RPL3L: variants seen among roughly 807,000 people sequenced by gnomAD.
RPL3L encodes the protein ribosomal protein L3 like, also known as ribosomal protein uL3-like.
A neutral mutation model predicts 44.5 loss-of-function variants in RPL3L; 44 were observed. That is an observed-to-expected ratio of 0.99 (90% CI 0.78 to 1.27). The LOEUF (loss-of-function observed/expected upper bound fraction) is 1.27. Among genes scored for constraint, RPL3L ranks in the 50% most tolerant of loss-of-function variants. The pLI is 0.00. For missense variants in RPL3L, 631 were observed against 569.1 expected (o/e 1.11, Z -1.11); for synonymous variants, 292 against 230.7 (o/e 1.27, Z -2.41).
At chr16:1,951,081 A>G in intron 3 of RPL3L, 102 bp from the exon 4 acceptor site, 1 of 1,459,602 alleles carries the variant, frequency 6.9e-7, no homozygotes, top group Non-Finnish European at 9.1e-7. Flanking sequence ...CAGGGGTCCT[A>G]CCTCTGGGAC....
At chr16:1,949,623 A>C (rs1207929880) in intron 4 of RPL3L, among the ~76,000 whole-genome samples, 1 of 142,792 alleles carries the variant, frequency 7.0e-6, no homozygotes. Context: ...TGCAATGTAG[A>C]GGTGGAGACA....
At chr16:1,951,747 T>A (rs1340616186) in intron 3 of RPL3L, among the ~76,000 whole-genome samples, 3 of 147,462 alleles carry the variant, frequency 2.0e-5, no homozygotes, top group African/African-American at 7.4e-5. Flanking sequence ...TTATTATTAT[T>A]ATTATTATTA....
In RPL3L at chr16:1,950,897, A is replaced by C; in HGVS notation, c.448T>G (p.Phe150Val). The change falls in exon 4 of 10, where the codon TTC (phenylalanine) becomes GTC (valine). Residue 150 changes from phenylalanine to valine, a missense_variant. By Grantham distance (50) the Phe-to-Val change is conservative. Coordinates refer to ENST00000268661, the MANE Select transcript of RPL3L (RefSeq NM_005061.3). ...TDGKKQLQKD[F>V]AAMKKYCKVI... ...TTGCAGTACTTCTTCATGGCGGCGA[A>C]GTCCTTCTGTAGCTGCTTTTTCCCG... 6.2e-7 allele frequency: 1 copy of C among 1,614,076 alleles called. No homozygotes were observed. Among genetic ancestry groups the C allele is most frequent in the Non-Finnish European group, 8.5e-7 (1 of 1,179,980 alleles).
intron 4 of RPL3L, among the ~76,000 whole-genome samples, chr16:1,949,238 ATTTTTGTTTTTTTTTTTTTTCTTTTT>A (rs1400762206): frequency 1.2e-5 from 1 of 80,086 alleles, no homozygotes; most frequent in African/African-American, 4.9e-5. Context: ...ACTGGGCCTG[ATTTTTGTTTTTTTTTTTTTTCTTTTT>A]TTTTTTTTTT....
At chr16:1,946,079 C>T in intron 7 of RPL3L, 149 bp from the exon 8 acceptor site, 1 of 628,166 alleles carries the variant, frequency 1.6e-6, no homozygotes, top group Admixed American at 2.9e-5. Context: ...ATCACGCCGC[C>T]CCTACTGAGG....
intron 4 of RPL3L, among the ~76,000 whole-genome samples, chr16:1,947,803 A>C (rs1029595235): frequency 8.5e-5 from 13 of 152,216 alleles, no homozygotes; most frequent in African/African-American, 2.4e-4. Context: ...GTGGCAGAGG[A>C]GGCCTTGGAA....
At chr16:1,954,589 A>G in intron 1 of RPL3L, 40 bp downstream of exon 1, 1 of 1,500,586 alleles carries the variant, frequency 6.7e-7, no homozygotes, top group Non-Finnish European at 8.9e-7. Context: ...CCAGAGTTCC[A>G]GCTCCAACCC....
intron 2 of RPL3L, among the ~76,000 whole-genome samples, chr16:1,953,470 T>C (rs2083185382): frequency 6.6e-6 from 1 of 152,190 alleles, no homozygotes; most frequent in Non-Finnish European, 1.5e-5. Context: ...TCCTCCTGCC[T>C]CGGCCTCCCA....
chr16:1,950,861 C>T lies in RPL3L; in HGVS notation c.484G>A (p.Val162Ile). 6.2e-7 allele frequency: 1 copy of T among 1,614,092 alleles called. No homozygotes were observed. Among genetic ancestry groups the T allele is most frequent in the Non-Finnish European group, 8.5e-7 (1 of 1,179,964 alleles). ...GGGCTGACCTGAGTGTGGACAATGA[C>T]CCGAATGACCTTGCAGTACTTCTTC... ...AMKKYCKVIR[V>I]IVHTQMKLLP... is the part of the protein sequence containing the mutation. Residue 162 changes from valine to isoleucine, a missense_variant, in exon 4 of 10, where the codon GTC (valine) becomes ATC (isoleucine). By Grantham distance (29) the Val-to-Ile change is conservative. Transcript: ENST00000268661.
intron 8 of RPL3L, 48 bp from the exon 9 acceptor site, chr16:1,945,666 A>G: frequency 5.6e-6 from 9 of 1,611,084 alleles, no homozygotes; most frequent in Non-Finnish European, 7.6e-6. Flanking sequence ...GATCCCCCAC[A>G]CCCTGCTGTG....
intron 4 of RPL3L, among the ~76,000 whole-genome samples, chr16:1,948,152 T>C (rs115649318): frequency 0.012 from 1,785 of 152,020 alleles, 32 homozygotes; most frequent in South Asian, 0.036. Context: ...TTGGCCCGGA[T>C]GGTCTGCATC....
At chr16:1,949,009 C>CTTTTTTT (rs34900670) in intron 4 of RPL3L, among the ~76,000 whole-genome samples, 2 of 124,662 alleles carry the variant, frequency 1.6e-5, no homozygotes, top group African/African-American at 6.6e-5. Flanking sequence ...CCGCGCCTGG[C>CTTTTTTT]TTTTTTTTTT....
intron 9 of RPL3L, 138 bp downstream of exon 9, chr16:1,945,360 AT>A (rs139902975): frequency 0.027 from 21,452 of 793,314 alleles, 868 homozygotes; most frequent in South Asian, 0.11. Flanking sequence ...ATCTCAAAAA[AT>A]AAAATAAATA....
In RPL3L at chr16:1,947,371, G is replaced by A. The variant is rs2083131910; in HGVS notation, c.511C>T (p.Leu171=). The A allele has an allele frequency of 6.3e-7, 1 of 1,584,552 alleles. No individual in the cohort carries two copies. Among genetic ancestry groups the A allele is most frequent in the Non-Finnish European group, 8.6e-7 (1 of 1,166,654 alleles). Residue 171 remains leucine, a synonymous_variant, in exon 5 of 10, where the codon CTG becomes TTG. Coordinates refer to ENST00000268661, the MANE Select transcript of RPL3L (RefSeq NM_005061.3). ...RVIVHTQMKL[L]PFRQKKAHIM... ...TGGGCCTTCTTCTGCCGGAAGGGCAGCAGTTTCATCTGCAGGACATGGCCG... is the reference window on the plus strand; with the variant it reads ...TGGGCCTTCTTCTGCCGGAAGGGCAACAGTTTCATCTGCAGGACATGGCCG...
At chr16:1,947,156 C>A (rs79939323) in intron 5 of RPL3L, 38 bp downstream of exon 5, 6 of 1,612,828 alleles carry the variant, frequency 3.7e-6, no homozygotes, top group Non-Finnish European at 5.1e-6. Context: ...TGCCTCCAGG[C>A]AGCCTGCCCT....
chr16:1,944,411 C>T lies in RPL3L; in HGVS notation c.*426G>A, dbSNP rs138241074. ...GAGCTGACTCAGCGCAAGAAGACAGCTGACTCCCTGTGATTTCCTCCCTGA... is the reference window on the plus strand; with the variant it reads ...GAGCTGACTCAGCGCAAGAAGACAGTTGACTCCCTGTGATTTCCTCCCTGA... On this transcript the variant is annotated 3_prime_UTR_variant, in exon 10 of 10. Transcript: ENST00000268661. 51 of 164,954 alleles carry T rather than the reference C, an allele frequency of 3.1e-4. No homozygotes were observed. In the Middle Eastern group the frequency reaches 9.6e-3, roughly 31 times the overall value. 10.2% of individuals were successfully genotyped at this position (164,954 alleles called of 1,614,324 possible).
chr16:1,948,203 C>G (rs1381482249), intron 4 of RPL3L, among the ~76,000 whole-genome samples: 1 of 151,602 alleles, frequency 6.6e-6, no homozygotes, highest in East Asian at 1.9e-4. Context: ...TCCCAAAGTG[C>G]TGGGATTACA....
At chr16:1,948,258 C>T (rs2083140502) in intron 4 of RPL3L, among the ~76,000 whole-genome samples, 1 of 151,838 alleles carries the variant, frequency 6.6e-6, no homozygotes, top group Non-Finnish European at 1.5e-5. Context: ...GAGTCTCGCT[C>T]TGTTGCCCAG....
Position 1,953,979 on chromosome 16 carries a change from C to A in RPL3L, c.173G>T (p.Arg58Leu). The A allele has an allele frequency of 6.4e-7, 1 of 1,569,768 alleles. No individual in the cohort carries two copies. The highest frequency in any genetic ancestry group is 8.7e-7 in the Non-Finnish European group (1 of 1,154,316). Residue 58 changes from arginine to leucine, a missense_variant, in exon 2 of 10, where the codon CGG (arginine) becomes CTG (leucine). Physicochemically the swap from Arg to Leu is moderately radical, Grantham distance 102 (BLOSUM62 -2). Transcript: ENST00000268661. Reference protein sequence around the residue: ...GYKAGMTHTLREVHRPGLKIS... With the variant: ...GYKAGMTHTLLEVHRPGLKIS... ...ACTGAGCCCCGGCCGGTGCACCTCC[C>A]GCAGGGTGTGGGTCATGCCCGCCTT...
Sources: gnomAD v4.1 joint callset for allele counts (sites outside exome capture counted in the v4.1 genomes callset) on GRCh38, gnomAD v4.1.1 for gene constraint, MANE v1.5 for transcripts, NCBI Gene and HGNC (gene_info 2026-07-23, HGNC 2026-07-21) for gene names.